SYN3: variants seen among roughly 807,000 people sequenced by gnomAD.
SYN3 encodes synapsin III.
In SYN3, 35 loss-of-function variants were observed where a neutral mutation model predicts 65.8. The ratio of observed to expected loss-of-function variants is 0.53; its 90% CI spans 0.41 to 0.70. The LOEUF is 0.70. SYN3 is among the 30% of genes least tolerant of loss of function. The pLI is 0.00. For missense variants in SYN3, 680 were observed against 749.0 expected (o/e 0.91, Z 1.08); for synonymous variants, 270 against 292.9 (o/e 0.92, Z 0.80).
chr22:32,930,600 C>A (rs1472705565), intron 4 of SYN3, among the ~76,000 whole-genome samples: 1 of 152,096 alleles, frequency 6.6e-6, no homozygotes, highest in Admixed American at 6.5e-5. Flanking sequence ...CTGAGAATGT[C>A]CACATTCTAC....
chr22:32,878,741 A>G (rs554980486), intron 4 of SYN3, among the ~76,000 whole-genome samples: 1 of 152,278 alleles, frequency 6.6e-6, no homozygotes, highest in South Asian at 2.1e-4. Context: ...TTGTCACTCA[A>G]TAGTATGAAG....
chr22:32,755,843 A>T (rs768102966), intron 6 of SYN3, among the ~76,000 whole-genome samples: 134 of 152,270 alleles, frequency 8.8e-4, no homozygotes, highest in Non-Finnish European at 1.6e-3. Flanking sequence ...AATTTTTTTT[A>T]AAAAAGTTAA....
intron 6 of SYN3, among the ~76,000 whole-genome samples, chr22:32,619,666 CT>C (rs2059568072): frequency 6.6e-6 from 1 of 152,202 alleles, no homozygotes; most frequent in South Asian, 2.1e-4. Flanking sequence ...TGTCCATGAC[CT>C]TTACAACATG....
intron 4 of SYN3, among the ~76,000 whole-genome samples, chr22:32,904,402 C>T (rs2049845494): frequency 6.6e-6 from 1 of 152,168 alleles, no homozygotes; most frequent in South Asian, 2.1e-4. Flanking sequence ...ATGGTGGAGT[C>T]ACAAGATGGA....
At chr22:32,860,121 C>T (rs1386635077) in intron 6 of SYN3, 1 of 152,256 alleles carries the variant, frequency 6.6e-6, no homozygotes, top group South Asian at 2.1e-4. Context: ...ACTTAAACAT[C>T]TGCCTGAGGT....
chr22:32,859,439 C>A, intron 6 of SYN3: 1 of 1,550,456 alleles, frequency 6.4e-7, no homozygotes, highest in Non-Finnish European at 8.7e-7. Context: ...TGGACACTAA[C>A]TCTTCCCAGA....
chr22:32,783,336 T>C (rs2046118767), intron 6 of SYN3: 1 of 152,210 alleles, frequency 6.6e-6, no homozygotes, highest in Non-Finnish European at 1.5e-5. Flanking sequence ...TCATCTAACC[T>C]GGACAGCATC....
At chr22:32,897,375 T>C in intron 4 of SYN3, among the ~76,000 whole-genome samples, 1 of 152,224 alleles carries the variant, frequency 6.6e-6, no homozygotes, top group Non-Finnish European at 1.5e-5. Flanking sequence ...TGCGTGCAGC[T>C]CATCCCTGCC....
intron 1 of SYN3, among the ~76,000 whole-genome samples, chr22:33,009,679 T>C (rs1273263980): frequency 2.0e-5 from 3 of 151,738 alleles, no homozygotes; most frequent in East Asian, 1.9e-4. Flanking sequence ...AATTATACTA[T>C]AGGATGAGAC....
At chr22:32,644,245 C>T (rs1341103682) in intron 6 of SYN3, among the ~76,000 whole-genome samples, 2 of 151,930 alleles carry the variant, frequency 1.3e-5, no homozygotes, top group Non-Finnish European at 2.9e-5. Flanking sequence ...GGAATTTGAC[C>T]CCATTGCTAC....
intron 4 of SYN3, among the ~76,000 whole-genome samples, chr22:32,917,806 C>T (rs1358631662): frequency 2.6e-5 from 4 of 152,372 alleles, no homozygotes; most frequent in South Asian, 2.1e-4. Context: ...TGCACAGCAG[C>T]GGAGCCTGGC....
chr22:33,021,858 C>T (rs1402090754), intron 1 of SYN3, among the ~76,000 whole-genome samples: 1 of 151,246 alleles, frequency 6.6e-6, no homozygotes, highest in Non-Finnish European at 1.5e-5. Context: ...GGGAGAGAGA[C>T]CATCGTCTGA....
intron 6 of SYN3, among the ~76,000 whole-genome samples, chr22:32,845,645 G>A (rs2048039425): frequency 6.6e-6 from 1 of 152,156 alleles, no homozygotes; most frequent in South Asian, 2.1e-4. Flanking sequence ...ATTGTTGGGG[G>A]CACTGGGTAG....
intron 4 of SYN3, chr22:32,931,181 G>T (rs183588): frequency 0.98 from 468,381 of 476,852 alleles, 230,163 homozygotes; most frequent in East Asian, 1. Flanking sequence ...TCCAAGCCCA[G>T]GGCTCACTTG....
chr22:32,979,742 G>A (rs546800115), intron 3 of SYN3, among the ~76,000 whole-genome samples: 9 of 152,208 alleles, frequency 5.9e-5, no homozygotes, highest in Non-Finnish European at 8.8e-5. Flanking sequence ...GGACTAACTC[G>A]TTTGATCCTC....
In SYN3 at chr22:32,510,063, G is replaced by C. The variant is rs2057674759; in HGVS notation, c.*3629C>G. 1.3e-5 allele frequency among the ~76,000 whole-genome samples: 2 copies of C among 152,168 alleles called. No individual in the cohort carries two copies. The highest frequency in any genetic ancestry group is 4.8e-5 in the African/African-American group (2 of 41,434). ...ATGCTGAGGTGTGTCTGAGGCCAAA[G>C]GACAGAATATAGGAATATGGGAGAA... On this transcript the variant is annotated 3_prime_UTR_variant, in exon 14 of 14. Coordinates refer to ENST00000358763, the MANE Select transcript of SYN3 (RefSeq NM_003490.4).
At chr22:32,900,410 A>T (rs963191740) in intron 4 of SYN3, among the ~76,000 whole-genome samples, 2 of 152,192 alleles carry the variant, frequency 1.3e-5, no homozygotes, top group African/African-American at 4.8e-5. Context: ...CATTTTTTAA[A>T]ACCCATTGTA....
chr22:33,012,931 T>C (rs2053383640), intron 1 of SYN3, among the ~76,000 whole-genome samples: 1 of 152,220 alleles, frequency 6.6e-6, no homozygotes, highest in South Asian at 2.1e-4. Context: ...TTTTTGTTTT[T>C]CTCCAGCAAC....
chr22:33,037,014 T>C (rs1395481044), intron 1 of SYN3, among the ~76,000 whole-genome samples: 1 of 152,166 alleles, frequency 6.6e-6, no homozygotes, highest in Non-Finnish European at 1.5e-5. Context: ...AATCACCCCT[T>C]TGAGTTACTG....
Sources: allele counts gnomAD v4.1 joint callset (sites outside exome capture counted in the v4.1 genomes callset), GRCh38; gene constraint gnomAD v4.1.1; transcripts MANE v1.5; gene names NCBI Gene and HGNC (gene_info 2026-07-23, HGNC 2026-07-21).